KCND2: variants seen among roughly 807,000 people sequenced by gnomAD.
The protein encoded by KCND2 is potassium voltage-gated channel subfamily D member 2, also known as A-type voltage-gated potassium channel KCND2.
KCND2 carries 16 observed loss-of-function variants against 54.4 expected under a neutral mutation model. The ratio of observed to expected loss-of-function variants is 0.29; its 90% confidence interval spans 0.20 to 0.45. The LOEUF is 0.45. Ranked by LOEUF, KCND2 falls within the 20% of genes least tolerant of loss-of-function variation. The pLI is 1.00. For synonymous variants in KCND2, 317 were observed against 310.7 expected (o/e 1.02, Z -0.21); for missense variants, 486 against 824.2 (o/e 0.59, Z 5.02).
chr7:120,650,599 CCTT>C (rs1295876686), intron 1 of KCND2, among the ~76,000 whole-genome samples: 5 of 143,812 alleles, frequency 3.5e-5, no homozygotes, highest in Non-Finnish European at 4.5e-5. Context: ...TCGTCTGAAG[CCTT>C]CTTCTCCCGA....
intron 1 of KCND2, among the ~76,000 whole-genome samples, chr7:120,711,816 AG>A (rs1792541632): frequency 1.3e-5 from 2 of 152,130 alleles, no homozygotes; most frequent in Non-Finnish European, 2.9e-5. Flanking sequence ...TTTTAATGTA[AG>A]GGTTCACCAA....
chr7:120,583,558 C>G (rs1312202734), intron 1 of KCND2, among the ~76,000 whole-genome samples: 1 of 152,094 alleles, frequency 6.6e-6, no homozygotes, highest in Admixed American at 6.6e-5. Context: ...CCTGTGAGGT[C>G]TCTCTCTGGC....
At chr7:120,728,003 A>C (rs965925136) in intron 1 of KCND2, among the ~76,000 whole-genome samples, 2 of 151,552 alleles carry the variant, frequency 1.3e-5, no homozygotes, top group East Asian at 2.0e-4. Flanking sequence ...GTGTGGTGGC[A>C]TGTGCCTGTA....
intron 1 of KCND2, among the ~76,000 whole-genome samples, chr7:120,483,713 G>T (rs1304134630): frequency 3.3e-5 from 5 of 152,150 alleles, no homozygotes; most frequent in Non-Finnish European, 7.4e-5. Flanking sequence ...ATAGGGTAAA[G>T]GAGTCAGTTG....
At chr7:120,634,678 A>C (rs1793282198) in intron 1 of KCND2, among the ~76,000 whole-genome samples, 1 of 152,154 alleles carries the variant, frequency 6.6e-6, no homozygotes, top group South Asian at 2.1e-4. Context: ...TCTCCTTTCT[A>C]TCCTCCACTG....
intron 1 of KCND2, among the ~76,000 whole-genome samples, chr7:120,302,042 C>T (rs1032707963): frequency 6.6e-6 from 1 of 152,128 alleles, no homozygotes; most frequent in African/African-American, 2.4e-5. Flanking sequence ...AATATTTTAA[C>T]ATGTTACTGT....
chr7:120,346,247 G>A (rs1208897182), intron 1 of KCND2, among the ~76,000 whole-genome samples: 2 of 152,014 alleles, frequency 1.3e-5, no homozygotes, highest in African/African-American at 4.8e-5. Context: ...CTTATTAGAT[G>A]TAATGATTTG....
At chr7:120,427,446 A>G (rs1023384598) in intron 1 of KCND2, among the ~76,000 whole-genome samples, 5 of 152,186 alleles carry the variant, frequency 3.3e-5, no homozygotes, top group Non-Finnish European at 5.9e-5. Flanking sequence ...TTTAGTCTTT[A>G]CATTAGAACA....
chr7:120,492,460 C>A (rs911031193), intron 1 of KCND2, among the ~76,000 whole-genome samples: 1 of 151,886 alleles, frequency 6.6e-6, no homozygotes, highest in South Asian at 2.1e-4. Flanking sequence ...CTTTTAAATA[C>A]CATAAGCTGG....
intron 1 of KCND2, among the ~76,000 whole-genome samples, chr7:120,608,016 G>GTT (rs5886996): frequency 1.4e-5 from 2 of 147,880 alleles, no homozygotes; most frequent in African/African-American, 2.5e-5. Flanking sequence ...GAATGTGACT[G>GTT]TTTTTTTTTT....
chr7:120,354,909 A>G (rs747457789), intron 1 of KCND2, among the ~76,000 whole-genome samples: 4 of 152,236 alleles, frequency 2.6e-5, no homozygotes, highest in Non-Finnish European at 4.4e-5. Context: ...TTCAGCTTTG[A>G]TAAGTATCTA....
At chr7:120,707,251 C>T (rs1009123487) in intron 1 of KCND2, among the ~76,000 whole-genome samples, 1 of 152,118 alleles carries the variant, frequency 6.6e-6, no homozygotes, top group East Asian at 1.9e-4. Context: ...CTTCCAATGC[C>T]AGGTGATTTA....
intron 1 of KCND2, among the ~76,000 whole-genome samples, chr7:120,434,469 AG>A (rs772090505): frequency 2.0e-4 from 30 of 152,318 alleles, no homozygotes; most frequent in Non-Finnish European, 4.3e-4. Flanking sequence ...CCTGCTTGTC[AG>A]CACTCTGTCT....
intron 1 of KCND2, among the ~76,000 whole-genome samples, chr7:120,304,384 A>C (rs1345065646): frequency 6.6e-6 from 1 of 152,206 alleles, no homozygotes; most frequent in African/African-American, 2.4e-5. Context: ...TGTAAAGACC[A>C]AACTGAATTA....
intron 1 of KCND2, among the ~76,000 whole-genome samples, chr7:120,530,919 C>T (rs930110738): frequency 6.6e-6 from 1 of 152,084 alleles, no homozygotes. Context: ...CACGATTCAT[C>T]ATTATAATAC....
intron 1 of KCND2, among the ~76,000 whole-genome samples, chr7:120,332,839 A>G (rs1800087544): frequency 2.6e-5 from 4 of 152,130 alleles, no homozygotes. Context: ...AACAATTTAT[A>G]TAAAGGTTTA....
intron 1 of KCND2, among the ~76,000 whole-genome samples, chr7:120,550,175 CT>C (rs901243174): frequency 6.6e-6 from 1 of 151,560 alleles, no homozygotes; most frequent in African/African-American, 2.4e-5. Flanking sequence ...GCTCTAGTGC[CT>C]TTTTTTTGGT....
At chr7:120,348,746 T>A (rs1800360557) in intron 1 of KCND2, among the ~76,000 whole-genome samples, 1 of 152,234 alleles carries the variant, frequency 6.6e-6, no homozygotes, top group Non-Finnish European at 1.5e-5. Context: ...TTATTGAATA[T>A]GTTTTTAGGG....
At chr7:120,688,549 A>G (rs1377751797) in intron 1 of KCND2, among the ~76,000 whole-genome samples, 2 of 152,172 alleles carry the variant, frequency 1.3e-5, no homozygotes, top group Non-Finnish European at 2.9e-5. Flanking sequence ...GAGACCTGAC[A>G]TCGCACAGAT....
Sources: gnomAD v4.1 joint callset for allele counts (sites outside exome capture counted in the v4.1 genomes callset) on GRCh38, gnomAD v4.1.1 for gene constraint, MANE v1.5 for transcripts, NCBI Gene and HGNC (gene_info 2026-07-23, HGNC 2026-07-21) for gene names.